ABAT: variants seen among roughly 807,000 people sequenced by gnomAD.
ABAT encodes the protein 4-aminobutyrate aminotransferase, also known as 4-aminobutyrate aminotransferase, mitochondrial.
Under a neutral mutation model 64.6 loss-of-function variants are expected in ABAT, and 45 were observed. The observed-to-expected ratio is 0.70, with a 90% CI of 0.55 to 0.89. ABAT has a LOEUF of 0.89. Ranked by LOEUF, ABAT falls within the 40% of genes least tolerant of loss-of-function variation. The pLI, the probability that ABAT is intolerant of heterozygous loss-of-function variation, is 0.00. For synonymous variants in ABAT, 297 were observed against 250.5 expected (o/e 1.19, Z -1.75); for missense variants, 633 against 658.4 (o/e 0.96, Z 0.42).
intron 1 of ABAT, among the ~76,000 whole-genome samples, chr16:8,699,726 T>C (rs542750231): frequency 1.3e-4 from 20 of 152,010 alleles, no homozygotes; most frequent in Non-Finnish European, 2.8e-4. Flanking sequence ...CACACCTGGC[T>C]GATATTTTTT....
chr16:8,718,860 C>T (rs1320519009), intron 1 of ABAT, among the ~76,000 whole-genome samples: 1 of 152,228 alleles, frequency 6.6e-6, no homozygotes, highest in Non-Finnish European at 1.5e-5. Flanking sequence ...AAGTTAAGGT[C>T]TTTGCAAGTG....
intron 1 of ABAT, among the ~76,000 whole-genome samples, chr16:8,711,810 G>GGATGGATGGATGGATGGATA (rs1555485829): frequency 0.016 from 1,782 of 112,372 alleles, 21 homozygotes; most frequent in East Asian, 0.036. Context: ...ATGGATGGAT[G>GGATGGATGGATGGATGGATA]GATGGATGGA....
intron 1 of ABAT, among the ~76,000 whole-genome samples, chr16:8,677,059 G>C (rs1455991934): frequency 6.6e-6 from 1 of 152,224 alleles, no homozygotes; most frequent in African/African-American, 2.4e-5. Context: ...GACCACGGTA[G>C]AGAGGCCGAG....
rs2059882370 is a variant in ABAT, at chr16:8,764,368, A to G, written c.447+219A>G. On this transcript the variant is annotated intron_variant, in intron 7 of 15. Coordinates refer to ENST00000268251, the MANE Select transcript of ABAT (RefSeq NM_020686.6). This position sits in a 1 kb window ranked among gnomAD's most constrained non-coding sequence, Gnocchi z 4.2. The stretch of plus-strand genomic sequence containing the variant: ...AGCTGGGGAAATGAATATGTGTCGC[A>G]TGATAGGAGCCTTGCATATGTCATT... Among the ~76,000 whole-genome samples the G allele has an allele frequency of 6.6e-6, 1 of 152,200 alleles. No individual in the cohort carries two copies. Among genetic ancestry groups the G allele is most frequent in the South Asian group, 2.1e-4 (1 of 4,824 alleles).
At chr16:8,702,128 G>T (rs1404089768) in intron 1 of ABAT, among the ~76,000 whole-genome samples, 1 of 152,172 alleles carries the variant, frequency 6.6e-6, no homozygotes, top group African/African-American at 2.4e-5. Flanking sequence ...GGTTCTGCGG[G>T]CTGTACAGGA....
chr16:8,771,545 T>G (rs1354100159), intron 11 of ABAT, among the ~76,000 whole-genome samples: 1 of 150,830 alleles, frequency 6.6e-6, no homozygotes. Context: ...CTCGGCTCAT[T>G]GCAACTTCTA....
chr16:8,721,344 C>G (rs2058365225), intron 1 of ABAT, among the ~76,000 whole-genome samples: 1 of 152,114 alleles, frequency 6.6e-6, no homozygotes, highest in Non-Finnish European at 1.5e-5. Context: ...TGGTCATATG[C>G]AGGGCCCACC....
chr16:8,779,930 A>T (rs1205862747), intron 15 of ABAT, among the ~76,000 whole-genome samples: 1 of 152,292 alleles, frequency 6.6e-6, no homozygotes, highest in East Asian at 1.9e-4. Context: ...CAACCAATCC[A>T]TTGCAATTTT....
chr16:8,693,518 G>C (rs1333083618), intron 1 of ABAT, among the ~76,000 whole-genome samples: 1 of 152,176 alleles, frequency 6.6e-6, no homozygotes, highest in Non-Finnish European at 1.5e-5. Flanking sequence ...ACCCAGACTG[G>C]AGTGCAGTGG....
At position 8,685,598 on chromosome 16, in the gene ABAT, C is replaced by T. The variant is rs551145524; in HGVS notation, c.-42+10887C>T. On this transcript the variant is annotated intron_variant, in intron 1 of 15. Transcript: ENST00000268251. ...GGCTGAGGCAGGAGAATCGCTTGAA[C>T]CCGGGAGGCGGAGGTTGCAGTGAGC... is the stretch of plus-strand genomic sequence containing the variant. 2.8e-3 allele frequency among the ~76,000 whole-genome samples: 430 copies of T among 152,164 alleles called. 1 individual carries two copies. Among genetic ancestry groups the T allele is most frequent in the African/African-American group, 9.9e-3 (409 of 41,512 alleles).
intron 15 of ABAT, chr16:8,780,763 TAAA>T (rs60149541): frequency 0.083 from 11,378 of 137,050 alleles, 430 homozygotes; most frequent in Admixed American, 0.19. Flanking sequence ...ACTCCATCTC[TAAA>T]AAAAAAAAAA....
chr16:8,740,107 C>G (rs1449275413), intron 2 of ABAT, among the ~76,000 whole-genome samples: 1 of 152,020 alleles, frequency 6.6e-6, no homozygotes, highest in Admixed American at 6.6e-5. Flanking sequence ...GTAAAGGAAA[C>G]TTCAAGTCAG....
At chr16:8,761,911 G>C (rs1402411181) in intron 6 of ABAT, among the ~76,000 whole-genome samples, 2 of 152,182 alleles carry the variant, frequency 1.3e-5, no homozygotes, top group African/African-American at 4.8e-5. Context: ...ATGAAACCAT[G>C]TCCCTTAGAT....
Position 8,768,274 on chromosome 16 carries a change from C to T in ABAT, c.667+18C>T, listed in dbSNP as rs756875305. On this transcript the variant is annotated intron_variant, in intron 10 of 15. Coordinates refer to ENST00000268251, the MANE Select transcript of ABAT (RefSeq NM_020686.6). The stretch of plus-strand genomic sequence containing the variant: ...GACCATGGGTAAGGAGGGACCATTG[C>T]GCTCCCAAGGTGGCGTTTAGAATAG... The T allele has an allele frequency of 3.2e-5, 52 of 1,612,986 alleles. No individual in the cohort carries two copies. The highest frequency in any genetic ancestry group is 5.0e-5 in the Admixed American group (3 of 59,994).
chr16:8,711,778 GGATGGGAA>G (rs199844370), intron 1 of ABAT, among the ~76,000 whole-genome samples: 31 of 140,056 alleles, frequency 2.2e-4, no homozygotes, highest in African/African-American at 3.1e-4. Flanking sequence ...ATGGATGGAT[GGATGGGAA>G]GATGGATGGA....
At chr16:8,774,769 C>T in intron 12 of ABAT, 121 bp from the exon 13 acceptor site, 2 of 1,248,956 alleles carry the variant, frequency 1.6e-6, no homozygotes, top group South Asian at 2.5e-5. Flanking sequence ...CTGGTTTGCT[C>T]TTCAGAAAAC....
chr16:8,724,293 CA>C (rs2058470482), intron 1 of ABAT, among the ~76,000 whole-genome samples: 1 of 151,802 alleles, frequency 6.6e-6, no homozygotes, highest in Non-Finnish European at 1.5e-5. Context: ...GCTAACAGGT[CA>C]AAAAATAATG....
At chr16:8,684,834 C>A (rs533238638) in intron 1 of ABAT, among the ~76,000 whole-genome samples, 18 of 151,790 alleles carry the variant, frequency 1.2e-4, no homozygotes, top group Admixed American at 5.2e-4. Context: ...GACATTAGAA[C>A]CAGTTCAAAG....
intron 14 of ABAT, among the ~76,000 whole-genome samples, chr16:8,777,531 T>C (rs1641025): frequency 0.74 from 111,803 of 151,746 alleles, 41,180 homozygotes; most frequent in South Asian, 0.76. Context: ...TAACACTTGA[T>C]TAAGAGCTGG....
Sources: gnomAD v4.1 joint callset for allele counts (sites outside exome capture counted in the v4.1 genomes callset) on GRCh38, gnomAD v4.1.1 for gene constraint, Gnocchi (gnomAD v3.1) non-coding constraint, MANE v1.5 for transcripts, NCBI Gene and HGNC (gene_info 2026-07-23, HGNC 2026-07-21) for gene names.